Variants in BLTP3A observed in about 807,000 individuals in gnomAD.
BLTP3A encodes ICBP90 binding protein 1.
chr6:34,848,581 G>A, the BLTP3A span, among the ~76,000 whole-genome samples: 1 of 151,146 alleles, frequency 6.6e-6, no homozygotes, highest in Non-Finnish European at 1.5e-5. Context: ...ACTCCAGCCT[G>A]GGCGACAGAG....
chr6:34,856,912 G>A, the BLTP3A span: 4 of 1,613,736 alleles, frequency 2.5e-6, no homozygotes, highest in Non-Finnish European at 3.4e-6. Flanking sequence ...ACGGGTGGAT[G>A]ACCTGGACAT....
the BLTP3A span, among the ~76,000 whole-genome samples, chr6:34,830,696 C>T: frequency 4.8e-3 from 733 of 152,222 alleles, 6 homozygotes; most frequent in African/African-American, 0.017. Flanking sequence ...TATGAACCTT[C>T]TTGTGTATAT....
At chr6:34,812,694 T>C in the BLTP3A span, among the ~76,000 whole-genome samples, 1 of 152,016 alleles carries the variant, frequency 6.6e-6, no homozygotes, top group Non-Finnish European at 1.5e-5. Flanking sequence ...GGTCTTGAAC[T>C]CTTGGCTTCA....
chr6:34,828,029 G>C, the BLTP3A span, among the ~76,000 whole-genome samples: 2 of 152,110 alleles, frequency 1.3e-5, no homozygotes, highest in East Asian at 3.8e-4. Flanking sequence ...TAGCTCTGAA[G>C]TTAACAACTG....
the BLTP3A span, among the ~76,000 whole-genome samples, chr6:34,797,029 A>G: frequency 6.6e-6 from 1 of 152,274 alleles, no homozygotes; most frequent in South Asian, 2.1e-4. Flanking sequence ...TTATCTGTAA[A>G]AGATAAGGAG....
chr6:34,826,357 CTT>C, the BLTP3A span, among the ~76,000 whole-genome samples: 28 of 135,358 alleles, frequency 2.1e-4, no homozygotes, highest in Admixed American at 3.0e-4. Flanking sequence ...TTACATCCTA[CTT>C]TTTTTTTTTT....
chr6:34,834,825 G>C, the BLTP3A span: 1 of 1,614,084 alleles, frequency 6.2e-7, no homozygotes, highest in South Asian at 1.1e-5. Context: ...GGCTTATTAC[G>C]AACCAAGGCA....
At chr6:34,792,126 T>TGGCGGCGTCGGCGGCGGC in the BLTP3A span, 1 of 709,718 alleles carries the variant, frequency 1.4e-6, no homozygotes, top group Non-Finnish European at 2.0e-6. Flanking sequence ...GAAAGCGCCA[T>TGGCGGCGTCGGCGGCGGC]GGCGGCGGCG....
chr6:34,801,829 C>A, the BLTP3A span, among the ~76,000 whole-genome samples: 56 of 152,316 alleles, frequency 3.7e-4, no homozygotes, highest in African/African-American at 1.3e-3. Flanking sequence ...AGCTCCGCCT[C>A]CCGGTTCACG....
the BLTP3A span, chr6:34,867,506 G>A: frequency 6.2e-7 from 1 of 1,614,154 alleles, no homozygotes; most frequent in Non-Finnish European, 8.5e-7. Flanking sequence ...GTGTCTTTTG[G>A]GATTGAGGTA....
chr6:34,833,571 A>C, the BLTP3A span, among the ~76,000 whole-genome samples: 3 of 152,088 alleles, frequency 2.0e-5, no homozygotes, highest in Admixed American at 6.6e-5. Context: ...ATTCTTTCTA[A>C]CAGGAGGGAG....
the BLTP3A span, chr6:34,864,288 C>A: frequency 3.2e-6 from 4 of 1,244,154 alleles, no homozygotes; most frequent in South Asian, 3.3e-5. Context: ...TAAAGAGGAG[C>A]TGAGAGATGA....
the BLTP3A span, among the ~76,000 whole-genome samples, chr6:34,842,756 C>T: frequency 1.3e-5 from 2 of 152,008 alleles, no homozygotes; most frequent in African/African-American, 2.4e-5. Context: ...ATGGAAGATA[C>T]ACAAAATGTG....
the BLTP3A span, among the ~76,000 whole-genome samples, chr6:34,792,449 TC>T: frequency 1.3e-5 from 2 of 151,728 alleles, no homozygotes; most frequent in Non-Finnish European, 2.9e-5. Flanking sequence ...CCGGACAGCT[TC>T]CCCCCGCGCC....
the BLTP3A span, among the ~76,000 whole-genome samples, chr6:34,836,858 A>G: frequency 3.3e-5 from 5 of 152,240 alleles, no homozygotes; most frequent in African/African-American, 1.2e-4. Flanking sequence ...AACAACTGCC[A>G]TTATATATGT....
At chr6:34,864,204 TG>T in the BLTP3A span, 26 of 1,611,324 alleles carry the variant, frequency 1.6e-5, no homozygotes, top group African/African-American at 2.4e-4. Context: ...GTCTGGTATG[TG>T]GGAGCAGAGC....
the BLTP3A span, among the ~76,000 whole-genome samples, chr6:34,823,618 C>T: frequency 6.7e-6 from 1 of 149,484 alleles, no homozygotes; most frequent in African/African-American, 2.5e-5. Context: ...TCACAGTTCA[C>T]TGTAGCCTCG....
At chr6:34,867,942 T>C in the BLTP3A span, among the ~76,000 whole-genome samples, 2 of 152,210 alleles carry the variant, frequency 1.3e-5, no homozygotes, top group Admixed American at 1.3e-4. Context: ...TCATTCAGAT[T>C]CAGTCCTTTG....
At chr6:34,845,217 A>G in the BLTP3A span, among the ~76,000 whole-genome samples, 17 of 152,180 alleles carry the variant, frequency 1.1e-4, no homozygotes, top group African/African-American at 3.1e-4. Flanking sequence ...CCATTGGTCT[A>G]TATGTCTGTT....
Sources: allele counts gnomAD v4.1 joint callset (sites outside exome capture counted in the v4.1 genomes callset), GRCh38; gene constraint gnomAD v4.1.1; transcripts MANE v1.5; gene names NCBI Gene and HGNC (gene_info 2026-07-23, HGNC 2026-07-21).